DGKG: variants seen among roughly 807,000 people sequenced by gnomAD.
DGKG encodes the protein DAG kinase gamma.
In DGKG, 78 loss-of-function variants were observed where a neutral mutation model predicts 105.3. The ratio of observed to expected loss-of-function variants is 0.74; its 90% CI spans 0.62 to 0.89. The LOEUF (loss-of-function observed/expected upper bound fraction) is 0.89, where lower values mean the gene tolerates loss of function less well. Ranked by LOEUF, DGKG falls within the 40% of genes least tolerant of loss-of-function variation. The probability of loss-of-function intolerance (pLI) is 0.00; values close to 1 mark genes in which losing one functional copy is unlikely to be tolerated. For synonymous variants in DGKG, 346 were observed against 367.1 expected, an observed-to-expected ratio of 0.94 and a Z score of 0.66; for missense variants, 958 against 1,020.1, an observed-to-expected ratio of 0.94 and a Z score of 0.83.
chr3:186,288,261 G>A (rs933764188), intron 6 of DGKG, among the ~76,000 whole-genome samples: 1 of 152,202 alleles, frequency 6.6e-6, no homozygotes. Context: ...AGAGGTTGAT[G>A]AGATCTCAAG....
intron 5 of DGKG, among the ~76,000 whole-genome samples, chr3:186,296,112 C>CAAAAAAAAAAAAAAA (rs36070727): frequency 7.0e-6 from 1 of 143,438 alleles, no homozygotes; most frequent in South Asian, 2.2e-4. Flanking sequence ...TTATCTCAGA[C>CAAAAAAAAAAAAAAA]AAAAAAAAAA....
chr3:186,242,525 T>A lies in DGKG; in HGVS notation c.1805A>T (p.His602Leu). 1.2e-6 allele frequency: 2 copies of A among 1,613,784 alleles called. No individual in the cohort carries two copies. The highest frequency in any genetic ancestry group is 1.7e-6 in the Non-Finnish European group (2 of 1,179,798). Residue 602 changes from histidine to leucine, a missense_variant, in exon 20 of 25, where the codon CAT becomes CTT. Physicochemically the swap from His to Leu is moderately conservative, Grantham distance 99. This residue lies in a region of DGKG where 315 missense variants were observed against 400.6 expected (regional missense o/e 0.79). Coordinates refer to ENST00000265022, the MANE Select transcript of DGKG (RefSeq NM_001346.3). ...TTACCTGCTGTTGAATTTTTCAGGA[T>A]GTTTCTCTCTCATCACATGGAATCT... is the stretch of plus-strand genomic sequence containing the variant. ...AHRFHVMREK[H>L]PEKFNSRMKN... is the part of the protein sequence containing the mutation.
chr3:186,284,702 A>T lies in DGKG; in HGVS notation c.552T>A (p.Phe184Leu), dbSNP rs1722982912. ...CGTTCTCATCTGAATCATAGAGGCG[A>T]AACATGACTGTAAGAAACACAGAGG... ...GRPQDKLEFM[F>L]RLYDSDENGL... Residue 184 changes from phenylalanine to leucine, a missense_variant, in exon 7 of 25, where the codon TTT becomes TTA. Around this residue, in one of 2 missense-constraint regions of DGKG, gnomAD observed 643 missense variants for 619.5 expected, o/e 1.04. Transcript: ENST00000265022. The surrounding 1 kb of genome is among the most constrained non-coding windows in gnomAD (Gnocchi z 4.0). 6.2e-7 allele frequency: 1 copy of T among 1,613,936 alleles called. No homozygotes were observed. The highest frequency in any genetic ancestry group is 1.3e-5 in the African/African-American group (1 of 75,040).
intron 15 of DGKG, 24 bp downstream of exon 15, chr3:186,261,675 A>T (rs1440066259): frequency 1.3e-6 from 2 of 1,559,760 alleles, no homozygotes; most frequent in Admixed American, 3.5e-5. Flanking sequence ...TAGTTGCTCC[A>T]CTTTGAAACA....
chr3:186,344,415 G>A (rs551746765), intron 1 of DGKG, among the ~76,000 whole-genome samples: 4 of 152,320 alleles, frequency 2.6e-5, no homozygotes, highest in South Asian at 2.1e-4. Context: ...TAAAAAGAAC[G>A]CGATATGTCT....
At chr3:186,353,824 TA>T (rs1337308635) in intron 1 of DGKG, among the ~76,000 whole-genome samples, 3 of 152,136 alleles carry the variant, frequency 2.0e-5, no homozygotes, top group Admixed American at 2.0e-4. Context: ...GAATATTGGT[TA>T]AACGATGGAG....
In DGKG at chr3:186,332,490, T is replaced by C. The variant is rs140263634; in HGVS notation, c.-248-11783A>G. Among the ~76,000 whole-genome samples, 3 of 152,188 alleles carry C rather than the reference T, an allele frequency of 2.0e-5. No homozygotes were observed. The East Asian group carries it at 5.8e-4, about 29-fold the overall frequency. ...GTGAGTAGAGGTCTCCTTTATGAAA[T>C]TACTACCTGGGGAAGCGTCTGCCCT... On this transcript the variant is annotated intron_variant, in intron 1 of 24. Coordinates refer to ENST00000265022, the MANE Select transcript of DGKG (RefSeq NM_001346.3).
chr3:186,178,847 G>A (rs760655450), intron 22 of DGKG, among the ~76,000 whole-genome samples: 4 of 152,358 alleles, frequency 2.6e-5, no homozygotes, highest in African/African-American at 7.2e-5. Flanking sequence ...AGAATTGTAC[G>A]TTTGGAATAC....
chr3:186,298,851 AC>A (rs1229127890), intron 3 of DGKG, among the ~76,000 whole-genome samples: 1 of 151,896 alleles, frequency 6.6e-6, no homozygotes, highest in Non-Finnish European at 1.5e-5. Context: ...CCCTGGAAAA[AC>A]CCTCAAATAA....
At chr3:186,290,198 C>G (rs1234574325) in intron 5 of DGKG, among the ~76,000 whole-genome samples, 2 of 152,110 alleles carry the variant, frequency 1.3e-5, no homozygotes, top group African/African-American at 4.8e-5. Flanking sequence ...AAGATATCAC[C>G]TCTATTATAC....
At chr3:186,232,530 C>A (rs1720202068) in intron 20 of DGKG, among the ~76,000 whole-genome samples, 1 of 152,122 alleles carries the variant, frequency 6.6e-6, no homozygotes, top group Admixed American at 6.5e-5. Context: ...TAAGGTATAT[C>A]TATCAAGTTA....
rs753434354 is a variant in DGKG at position 186,279,936 on chromosome 3, C to T, written c.707G>A (p.Arg236Gln). 2.9e-5 allele frequency: 47 copies of T among 1,614,000 alleles called. No individual in the cohort carries two copies. Among genetic ancestry groups the T allele is most frequent in the Admixed American group, 2.0e-4 (12 of 60,000 alleles). The change falls in exon 9 of 25, where the codon CGG (arginine) becomes CAG (glutamine). Residue 236 changes from arginine to glutamine, a missense_variant. Around this residue, in one of 2 missense-constraint regions of DGKG, gnomAD observed 643 missense variants for 619.5 expected, o/e 1.04. Transcript: ENST00000265022. Reference sequence around the variant, plus strand: ...TTCCTGTAGAGACACAAAGCCGTCCCGGTCGTAGTCCATCCCTTGCAGCAT... The same window carrying T: ...TTCCTGTAGAGACACAAAGCCGTCCTGGTCGTAGTCCATCCCTTGCAGCAT... ...KEMLQGMDYDRDGFVSLQEWV... is the reference protein window; with the variant it reads ...KEMLQGMDYDQDGFVSLQEWV...
Position 186,306,872 on chromosome 3 carries a change from T to C in DGKG, c.144+29A>G, listed in dbSNP as rs13434011. 1,551 of 1,524,670 alleles carry C rather than the reference T, an allele frequency of 1.0e-3. 2 individuals carry two copies. Among genetic ancestry groups the C allele is most frequent in the Non-Finnish European group, 1.3e-3 (1,392 of 1,102,290 alleles). 94.4% of individuals were successfully genotyped at this position (1,524,670 alleles called of 1,614,324 possible). A position where few individuals can be genotyped will look rare whatever the true frequency, so the allele number is the denominator to read the frequency against. On this transcript the variant is annotated intron_variant, in intron 3 of 24. Transcript: ENST00000265022. ...GAAAGGCTAAAAAACACAGGGGTTT[T>C]TAAAGGCTTAAAATGGAAATGTTCT...
At chr3:186,297,068 T>TCTCTCTCTCTCACACACACACA (rs1452573661) in intron 5 of DGKG, among the ~76,000 whole-genome samples, 1 of 130,420 alleles carries the variant, frequency 7.7e-6, no homozygotes, top group African/African-American at 2.9e-5. Flanking sequence ...TCTGTCTCTC[T>TCTCTCTCTCTCACACACACACA]CACACACACA....
chr3:186,211,267 G>C (rs1719026348), intron 21 of DGKG, among the ~76,000 whole-genome samples: 2 of 152,202 alleles, frequency 1.3e-5, no homozygotes, highest in African/African-American at 4.8e-5. Flanking sequence ...AGGACATTTT[G>C]TGACCACACA....
At chr3:186,227,538 T>G (rs2108536336) in intron 20 of DGKG, among the ~76,000 whole-genome samples, 1 of 152,234 alleles carries the variant, frequency 6.6e-6, no homozygotes, top group Non-Finnish European at 1.5e-5. Context: ...TGTAAAGCCA[T>G]TTGTTCAGGG....
chr3:186,324,444 A>C (rs922628005), intron 1 of DGKG, among the ~76,000 whole-genome samples: 1 of 151,830 alleles, frequency 6.6e-6, no homozygotes, highest in Non-Finnish European at 1.5e-5. Context: ...CATAGCAAAC[A>C]CTCAATAAAT....
In DGKG at chr3:186,194,511, T is replaced by C. The variant is rs375833772; in HGVS notation, c.1918-6132A>G. On this transcript the variant is annotated intron_variant, in intron 21 of 24. Transcript: ENST00000265022. ...TAGGGAAGGAGATTCCACAATTTATTTGATGACCTGTTTCAGTTTTTAGCA... is the reference window on the plus strand; with the variant it reads ...TAGGGAAGGAGATTCCACAATTTATCTGATGACCTGTTTCAGTTTTTAGCA... Among the ~76,000 whole-genome samples the C allele has an allele frequency of 1.1e-4, 17 of 152,356 alleles. 1 individual carries two copies. Among genetic ancestry groups the C allele is most frequent in the African/African-American group, 4.1e-4 (17 of 41,586 alleles).
intron 9 of DGKG, among the ~76,000 whole-genome samples, chr3:186,276,362 T>A (rs1033454148): frequency 6.6e-6 from 1 of 152,228 alleles, no homozygotes; most frequent in Non-Finnish European, 1.5e-5. Context: ...AGATCTTTGA[T>A]GGGAAGTAAT....
Sources: allele counts gnomAD v4.1 joint callset (sites outside exome capture counted in the v4.1 genomes callset), GRCh38; gene constraint gnomAD v4.1.1; regional missense constraint gnomAD v4.1.1; non-coding constraint Gnocchi (gnomAD v3.1); transcripts MANE v1.5; gene names NCBI Gene and HGNC (gene_info 2026-07-23, HGNC 2026-07-21).